MIER1: variants seen among roughly 807,000 people sequenced by gnomAD.
MIER1 encodes mesoderm induction early response protein 1.
Under a neutral mutation model 75.7 loss-of-function variants are expected in MIER1, and 40 were observed. That is an observed-to-expected ratio of 0.53 (90% CI 0.41 to 0.69). The LOEUF (loss-of-function observed/expected upper bound fraction) is 0.69, where lower values mean the gene tolerates loss of function less well. MIER1 is among the 30% of genes least tolerant of loss of function. The pLI, the probability that MIER1 is intolerant of heterozygous loss-of-function variation, is 0.00. For missense variants in MIER1, 574 were observed against 680.2 expected, an observed-to-expected ratio of 0.84 and a Z score of 1.74; for synonymous variants, 213 against 223.4, an observed-to-expected ratio of 0.95 and a Z score of 0.42.
chr1:66,951,384 C>A (rs1449022381), intron 4 of MIER1, among the ~76,000 whole-genome samples: 1 of 152,118 alleles, frequency 6.6e-6, no homozygotes. Flanking sequence ...CCACTTCGGC[C>A]TCCCAAAGTG....
chr1:66,972,230 C>CACTACATATATATATATATATATATATAT lies in MIER1; in HGVS notation c.1006+496_1006+524dup, dbSNP rs1558099743. 4.0e-4 allele frequency among the ~76,000 whole-genome samples: 29 copies of CACTACATATATATATATATATATATATAT among 73,386 alleles called. No homozygotes were observed. The East Asian group carries it at 5.6e-3, about 14-fold the overall frequency. The allele number at this position is 73,386 out of a possible 152,430, so 48.1% of individuals were successfully genotyped here. A position where few individuals can be genotyped will look rare whatever the true frequency, so the allele number is the denominator to read the frequency against. On this transcript the variant is annotated intron_variant, in intron 10 of 13. Coordinates refer to ENST00000401041, the MANE Select transcript of MIER1 (RefSeq NM_001077700.3). ...TAAGAGTACTACATATATATATATACACTACATATATATATATATATATAT... is the reference window on the plus strand; with the variant it reads ...TAAGAGTACTACATATATATATATACACTACATATATATATATATATATATATATACTACATATATATATATATATATAT...
At chr1:66,961,590 A>G (rs773738406) in intron 7 of MIER1, among the ~76,000 whole-genome samples, 3 of 152,188 alleles carry the variant, frequency 2.0e-5, no homozygotes, top group African/African-American at 4.8e-5. Context: ...CCCTGTTTTT[A>G]TGTTAGAATC....
chr1:66,929,361 AT>A (rs1652551204), intron 2 of MIER1, among the ~76,000 whole-genome samples: 1 of 152,222 alleles, frequency 6.6e-6, no homozygotes, highest in Non-Finnish European at 1.5e-5. Flanking sequence ...TTAGTAAAAT[AT>A]GTTAGTGACT....
In MIER1 at chr1:66,985,703, A is replaced by G. The variant is rs1319858770; in HGVS notation, c.*803A>G. 3 of 984,842 alleles carry G rather than the reference A, an allele frequency of 3.0e-6. No individual in the cohort carries two copies. The African/African-American group carries it at 5.2e-5, about 17-fold the overall frequency. The allele number at this position is 984,842 out of a possible 1,614,324, so 61.0% of individuals were successfully genotyped here. The stretch of plus-strand genomic sequence containing the variant: ...GAGGAATTGTTATTCTGAGTCTGTC[A>G]GCTTTCATTTTATTTTGCTAAGGTT... On this transcript the variant is annotated 3_prime_UTR_variant, in exon 14 of 14. Transcript: ENST00000401041.
At chr1:66,981,977 A>T in intron 13 of MIER1, 59 bp downstream of exon 13, 1 of 1,573,196 alleles carries the variant, frequency 6.4e-7, no homozygotes, top group Admixed American at 1.8e-5. Context: ...TCTTGCAGTG[A>T]CTTGGGAAAT....
Position 66,948,313 on chromosome 1 carries a change from A to G in MIER1, c.339+2018A>G, listed in dbSNP as rs577199391. 129 of 706,566 alleles carry G rather than the reference A, an allele frequency of 1.8e-4. 2 individuals are homozygous for G. In the South Asian group the frequency reaches 7.2e-3, roughly 39 times the overall value. 43.8% of individuals were successfully genotyped at this position (706,566 alleles called of 1,614,324 possible). On this transcript the variant is annotated intron_variant, in intron 4 of 13. Coordinates refer to ENST00000401041, the MANE Select transcript of MIER1 (RefSeq NM_001077700.3). Reference sequence around the variant, plus strand: ...TAGTGCCAGTCTTTAAGGATTTGGAATACATAATATCATGAAAAATGAATG... The same window carrying G: ...TAGTGCCAGTCTTTAAGGATTTGGAGTACATAATATCATGAAAAATGAATG...
chr1:66,937,391 A>G (rs1655157510), intron 2 of MIER1, among the ~76,000 whole-genome samples: 1 of 152,196 alleles, frequency 6.6e-6, no homozygotes, highest in Non-Finnish European at 1.5e-5. Context: ...GTTCGAGACC[A>G]GCCTGGCCAG....
intron 2 of MIER1, among the ~76,000 whole-genome samples, chr1:66,930,646 A>G (rs1377245699): frequency 6.6e-6 from 1 of 150,730 alleles, no homozygotes; most frequent in Non-Finnish European, 1.5e-5. Context: ...AGTGCAGCGT[A>G]GTAGTGCGGT....
intron 10 of MIER1, among the ~76,000 whole-genome samples, chr1:66,972,457 A>G (rs978345944): frequency 8.6e-5 from 13 of 151,786 alleles, no homozygotes; most frequent in Admixed American, 3.3e-4. Context: ...GACTTAACCT[A>G]TTTGCAGAGA....
intron 4 of MIER1, among the ~76,000 whole-genome samples, chr1:66,954,576 C>T (rs1461646227): frequency 6.6e-6 from 1 of 152,146 alleles, no homozygotes; most frequent in Non-Finnish European, 1.5e-5. Flanking sequence ...AGTTCTATTA[C>T]GATTGTAATT....
chr1:66,937,175 G>A (rs1458755242), intron 2 of MIER1, among the ~76,000 whole-genome samples: 6 of 152,094 alleles, frequency 3.9e-5, no homozygotes, highest in African/African-American at 1.2e-4. Flanking sequence ...ACCTACCATG[G>A]AACCTTGATC....
At chr1:66,946,877 C>CCACT in intron 4 of MIER1, 1 of 985,162 alleles carries the variant, frequency 1.0e-6, no homozygotes, top group South Asian at 4.7e-5. Flanking sequence ...CTGGAGTACA[C>CCACT]CACTGTCTGG....
intron 3 of MIER1, among the ~76,000 whole-genome samples, chr1:66,941,720 C>T (rs975403510): frequency 6.6e-6 from 1 of 152,074 alleles, no homozygotes; most frequent in African/African-American, 2.4e-5. Context: ...CCTGTAATCC[C>T]AACACTTTGG....
At position 66,987,146 on chromosome 1, in the gene MIER1, T is replaced by G. The variant is rs144768827; in HGVS notation, c.*2246T>G. The G allele has an allele frequency of 6.5e-6, 1 of 152,756 alleles. No homozygotes were observed. Among genetic ancestry groups the G allele is most frequent in the African/African-American group, 2.4e-5 (1 of 41,476 alleles). 9.5% of individuals were successfully genotyped at this position (152,756 alleles called of 1,614,324 possible). ...CCTAATGAAAGACATTCCACTATTA[T>G]GCGTAATGCTCAGCTTTTTGTAAAG... On this transcript the variant is annotated 3_prime_UTR_variant, in exon 14 of 14. Transcript: ENST00000401041.
At chr1:66,946,554 C>G in intron 4 of MIER1, 1 of 1,124,582 alleles carries the variant, frequency 8.9e-7, no homozygotes, top group Non-Finnish European at 1.1e-6. Context: ...CTATAAAGGT[C>G]TGGTCAAAAA....
intron 4 of MIER1, among the ~76,000 whole-genome samples, chr1:66,956,349 G>A (rs548381874): frequency 6.6e-6 from 1 of 152,270 alleles, no homozygotes; most frequent in Non-Finnish European, 1.5e-5. Context: ...TGAAGGTTGA[G>A]GCTGCAGTGA....
chr1:66,930,390 A>C, intron 2 of MIER1: 1 of 1,607,894 alleles, frequency 6.2e-7, no homozygotes, highest in Middle Eastern at 1.7e-4. Context: ...AGTACGGCAA[A>C]TATGGCGGAG....
chr1:66,963,714 C>T (rs1661724670), intron 8 of MIER1, among the ~76,000 whole-genome samples: 1 of 152,052 alleles, frequency 6.6e-6, no homozygotes, highest in Non-Finnish European at 1.5e-5. Context: ...TCGAGACCAG[C>T]CTGACCAACA....
At chr1:66,941,958 G>T (rs1012386472) in intron 3 of MIER1, among the ~76,000 whole-genome samples, 21 of 121,632 alleles carry the variant, frequency 1.7e-4, no homozygotes, top group African/African-American at 7.1e-4. Flanking sequence ...TATAGAGCGA[G>T]ACTCCTTCTC....
Sources: gnomAD v4.1 joint callset for allele counts (sites outside exome capture counted in the v4.1 genomes callset) on GRCh38, gnomAD v4.1.1 for gene constraint, MANE v1.5 for transcripts, NCBI Gene and HGNC (gene_info 2026-07-23, HGNC 2026-07-21) for gene names.